The following PRKCA variants were observed in gnomAD, a reference collection of about 807,000 sequenced individuals.
PRKCA encodes the protein protein kinase C alpha.
In PRKCA, 27 loss-of-function variants were observed where a neutral mutation model predicts 87.0. The observed-to-expected ratio is 0.31, with a 90% CI of 0.23 to 0.43. PRKCA has a LOEUF of 0.43. PRKCA is among the 20% of genes least tolerant of loss of function. The pLI is 1.00. For missense variants in PRKCA, 518 were observed against 852.3 expected, an observed-to-expected ratio of 0.61 and a Z score of 4.88; for synonymous variants, 329 against 311.1, an observed-to-expected ratio of 1.06 and a Z score of -0.61.
At chr17:66,310,980 A>G (rs1331398422) in intron 2 of PRKCA, among the ~76,000 whole-genome samples, 1 of 152,116 alleles carries the variant, frequency 6.6e-6, no homozygotes, top group South Asian at 2.1e-4. Context: ...TGTCCTCCCT[A>G]TGTACTGCAT....
chr17:66,377,721 ATTTTT>A (rs1229084236), intron 2 of PRKCA, among the ~76,000 whole-genome samples: 20 of 69,138 alleles, frequency 2.9e-4, no homozygotes, highest in African/African-American at 1.0e-3. Context: ...ATATATATAT[ATTTTT>A]TTTTTTTTTT....
intron 2 of PRKCA, among the ~76,000 whole-genome samples, chr17:66,478,086 A>G (rs1478044281): frequency 6.6e-6 from 1 of 152,122 alleles, no homozygotes; most frequent in Non-Finnish European, 1.5e-5. Flanking sequence ...TGAGTGCTTC[A>G]ATGTTTAAAG....
At chr17:66,781,040 C>T (rs551059055) in intron 14 of PRKCA, among the ~76,000 whole-genome samples, 1 of 152,068 alleles carries the variant, frequency 6.6e-6, no homozygotes, top group South Asian at 2.1e-4. Flanking sequence ...ACCCAGGAGG[C>T]AGAGGCTTCA....
At chr17:66,583,831 A>G (rs572939954) in intron 3 of PRKCA, among the ~76,000 whole-genome samples, 76 of 152,332 alleles carry the variant, frequency 5.0e-4, no homozygotes, top group African/African-American at 1.8e-3. Context: ...TCTAAACTAA[A>G]TTATCTTCAC....
At chr17:66,330,334 T>C (rs889004509) in intron 2 of PRKCA, among the ~76,000 whole-genome samples, 6 of 152,094 alleles carry the variant, frequency 3.9e-5, no homozygotes, top group African/African-American at 2.4e-5. Context: ...CTCGAGCTCC[T>C]GACCTCAGGT....
At chr17:66,676,104 G>C (rs1375208685) in intron 5 of PRKCA, among the ~76,000 whole-genome samples, 1 of 152,132 alleles carries the variant, frequency 6.6e-6, no homozygotes, top group Non-Finnish European at 1.5e-5. Context: ...GAACTGACTT[G>C]TGGCGACGTG....
At chr17:66,378,077 CT>C (rs1356281466) in intron 2 of PRKCA, among the ~76,000 whole-genome samples, 1 of 152,164 alleles carries the variant, frequency 6.6e-6, no homozygotes, top group Non-Finnish European at 1.5e-5. Flanking sequence ...AATCCCAGCA[CT>C]TTGGGAGGCC....
chr17:66,418,252 T>C (rs1912275774), intron 2 of PRKCA, among the ~76,000 whole-genome samples: 1 of 152,226 alleles, frequency 6.6e-6, no homozygotes, highest in Non-Finnish European at 1.5e-5. Flanking sequence ...ATGTGTATAG[T>C]AAATGTATAT....
intron 3 of PRKCA, among the ~76,000 whole-genome samples, chr17:66,624,978 T>C (rs1436520750): frequency 6.6e-6 from 1 of 152,164 alleles, no homozygotes; most frequent in Non-Finnish European, 1.5e-5. Context: ...GATAAAATAC[T>C]TCCCTCATTG....
At chr17:66,525,968 G>T (rs576859405) in intron 3 of PRKCA, among the ~76,000 whole-genome samples, 2 of 151,964 alleles carry the variant, frequency 1.3e-5, no homozygotes, top group Non-Finnish European at 1.5e-5. Flanking sequence ...AATAAGAGTC[G>T]TCATGGTTCC....
At chr17:66,562,001 C>T (rs1037753064) in intron 3 of PRKCA, among the ~76,000 whole-genome samples, 1 of 147,884 alleles carries the variant, frequency 6.8e-6, no homozygotes, top group Non-Finnish European at 1.5e-5. Flanking sequence ...TACTTACTGC[C>T]ATACAACTGT....
chr17:66,497,361 G>A (rs1334741086), intron 3 of PRKCA, among the ~76,000 whole-genome samples: 1 of 152,026 alleles, frequency 6.6e-6, no homozygotes, highest in East Asian at 1.9e-4. Flanking sequence ...GCTGGGCGTG[G>A]TGGCGCATCC....
intron 2 of PRKCA, among the ~76,000 whole-genome samples, chr17:66,462,154 G>T (rs1914883938): frequency 1.3e-5 from 2 of 152,138 alleles, no homozygotes; most frequent in South Asian, 4.1e-4. Flanking sequence ...ATCCCTTCAT[G>T]GATGGAAGCT....
chr17:66,641,282 C>T, intron 3 of PRKCA, 73 bp from the exon 4 acceptor site: 1 of 1,029,302 alleles, frequency 9.7e-7, no homozygotes, highest in Non-Finnish European at 1.5e-6. Flanking sequence ...AGTGGTGGGG[C>T]CTGAGCTTGG....
chr17:66,519,358 C>T (rs1967079205), intron 3 of PRKCA, among the ~76,000 whole-genome samples: 1 of 152,124 alleles, frequency 6.6e-6, no homozygotes, highest in Non-Finnish European at 1.5e-5. Context: ...TTTTTATTAG[C>T]AAGTTTATAG....
At chr17:66,435,476 C>A (rs7405806) in intron 2 of PRKCA, among the ~76,000 whole-genome samples, 83,234 of 151,998 alleles carry the variant, frequency 0.55, 25,493 homozygotes, top group Non-Finnish European at 0.7. Flanking sequence ...GCGAGACGCA[C>A]TCACGGAATC....
At chr17:66,428,336 C>T (rs1912923737) in intron 2 of PRKCA, among the ~76,000 whole-genome samples, 1 of 151,954 alleles carries the variant, frequency 6.6e-6, no homozygotes, top group African/African-American at 2.4e-5. Flanking sequence ...TACTAATGAA[C>T]AGGTGAGATG....
At chr17:66,351,874 AC>A (rs549096156) in intron 2 of PRKCA, among the ~76,000 whole-genome samples, 2 of 152,002 alleles carry the variant, frequency 1.3e-5, no homozygotes, top group Non-Finnish European at 2.9e-5. Context: ...CACCCCGAGA[AC>A]CCTGGGACTC....
intron 2 of PRKCA, among the ~76,000 whole-genome samples, chr17:66,389,838 T>G (rs1910266718): frequency 6.6e-6 from 1 of 152,246 alleles, no homozygotes; most frequent in Non-Finnish European, 1.5e-5. Flanking sequence ...AAGAAAGAGA[T>G]AGAAGGGCTT....
Sources: gnomAD v4.1 joint callset for allele counts (sites outside exome capture counted in the v4.1 genomes callset) on GRCh38, gnomAD v4.1.1 for gene constraint, MANE v1.5 for transcripts, NCBI Gene and HGNC (gene_info 2026-07-23, HGNC 2026-07-21) for gene names.